The following WAPL variants were observed in gnomAD, a reference collection of about 807,000 sequenced individuals.
The protein encoded by WAPL is WAPL cohesin release factor, also known as wings apart-like protein homolog.
Under a neutral mutation model 121.0 loss-of-function variants are expected in WAPL, and 5 were observed. That is an observed-to-expected ratio of 0.04 (90% CI 0.02 to 0.09). The LOEUF (loss-of-function observed/expected upper bound fraction) is 0.09. Among genes scored for constraint, WAPL ranks in the 10% least tolerant of loss-of-function variants. The pLI, the probability that WAPL is intolerant of heterozygous loss-of-function variation, is 1.00. For missense variants in WAPL, 999 were observed against 1,410.8 expected (o/e 0.71, Z 4.68); for synonymous variants, 480 against 481.5 (o/e 1.00, Z 0.04).
At position 86,467,285 on chromosome 10, in the gene WAPL, A is replaced by G; in HGVS notation, c.2364T>C (p.Asn788=). 1 of 1,613,232 alleles carries G rather than the reference A, an allele frequency of 6.2e-7. No individual in the cohort carries two copies. Among genetic ancestry groups the G allele is most frequent in the East Asian group, 2.2e-5 (1 of 44,848 alleles). ...TVHNKHLDLE[N]ITTGHLAMET... is the part of the protein sequence containing the mutation. Reference sequence around the variant, plus strand: ...GAAGGAAGAAGGAACCCACCGTTATATTTTCTAGATCAAGATGCTTGTTGT... The same window carrying G: ...GAAGGAAGAAGGAACCCACCGTTATGTTTTCTAGATCAAGATGCTTGTTGT... The change falls in exon 9 of 19, where the codon AAT becomes AAC. Residue 788 remains asparagine, a synonymous_variant. Transcript: ENST00000298767.
intron 9 of WAPL, among the ~76,000 whole-genome samples, chr10:86,461,877 C>A (rs1841284229): frequency 6.7e-6 from 1 of 149,488 alleles, no homozygotes; most frequent in Admixed American, 6.7e-5. Flanking sequence ...ATTGTCTTTT[C>A]TTATTATTTG....
At chr10:86,459,488 G>A (rs1841221935) in intron 11 of WAPL, among the ~76,000 whole-genome samples, 1 of 152,168 alleles carries the variant, frequency 6.6e-6, no homozygotes, top group South Asian at 2.1e-4. Context: ...TCTATGCCAG[G>A]AGCTTTTAAT....
At chr10:86,445,787 G>A (rs770256627) in intron 16 of WAPL, among the ~76,000 whole-genome samples, 2 of 151,966 alleles carry the variant, frequency 1.3e-5, no homozygotes, top group Non-Finnish European at 2.9e-5. Flanking sequence ...CCAAAGTGCT[G>A]GGCTCACAGG....
chr10:86,517,935 C>A lies in WAPL; in HGVS notation c.135G>T (p.Gly45=). 6.2e-7 allele frequency: 1 copy of A among 1,614,132 alleles called. No homozygotes were observed. The highest frequency in any genetic ancestry group is 2.2e-5 in the East Asian group (1 of 44,870). Reference sequence around the variant, plus strand: ...CTGGTTTGAAATTGGGCCTCTTCTGCCCTAATTTAGCCATAAATGTGGTCT... The same window carrying A: ...CTGGTTTGAAATTGGGCCTCTTCTGACCTAATTTAGCCATAAATGTGGTCT... ...WGETTFMAKL[G]QKRPNFKPDI... The change falls in exon 2 of 19, where the codon GGG becomes GGT. Residue 45 remains glycine (G), a synonymous_variant. Transcript: ENST00000298767.
At chr10:86,501,720 C>T (rs1842250597) in intron 2 of WAPL, among the ~76,000 whole-genome samples, 1 of 152,192 alleles carries the variant, frequency 6.6e-6, no homozygotes, top group Non-Finnish European at 1.5e-5. Context: ...CTGTCACCCA[C>T]ACTGGAATAC....
rs1849320751 is a variant in WAPL, at chr10:86,436,350, C to G, written c.*1193G>C. On this transcript the variant is annotated 3_prime_UTR_variant, in exon 19 of 19. Coordinates refer to ENST00000298767, the MANE Select transcript of WAPL (RefSeq NM_015045.5). ...ATTTAAAAGTATTAATGAAAAAGAT[C>G]TCTAGAAAGCCTGTATTCAGGCCCA... is the stretch of plus-strand genomic sequence containing the variant. 6.6e-6 allele frequency: 1 copy of G among 152,080 alleles called. No homozygotes were observed. The highest frequency in any genetic ancestry group is 6.6e-5 in the Admixed American group (1 of 15,216). 9.4% of individuals were successfully genotyped at this position (152,080 alleles called of 1,614,324 possible).
intron 4 of WAPL, among the ~76,000 whole-genome samples, chr10:86,481,575 G>A (rs1460696927): frequency 1.3e-5 from 2 of 152,044 alleles, no homozygotes; most frequent in African/African-American, 4.8e-5. Context: ...GTTTATCCAT[G>A]TTGGTCAGGC....
At chr10:86,480,617 C>T (rs973049547) in intron 4 of WAPL, among the ~76,000 whole-genome samples, 4 of 127,904 alleles carry the variant, frequency 3.1e-5, no homozygotes, top group Non-Finnish European at 6.6e-5. Flanking sequence ...ATAAAAAAAC[C>T]GGAAGCTATA....
chr10:86,447,245 G>C (rs1269636241), intron 15 of WAPL, among the ~76,000 whole-genome samples: 2 of 152,152 alleles, frequency 1.3e-5, no homozygotes, highest in African/African-American at 4.8e-5. Flanking sequence ...AATATAGACA[G>C]ATAAAGCACA....
intron 15 of WAPL, 91 bp from the exon 16 acceptor site, chr10:86,446,540 T>A: frequency 7.7e-7 from 1 of 1,291,734 alleles, no homozygotes; most frequent in Non-Finnish European, 1.1e-6. Flanking sequence ...CTTTTAAATC[T>A]ATCACTAACT....
At chr10:86,519,353 C>T (rs1260228589) in intron 1 of WAPL, among the ~76,000 whole-genome samples, 2 of 152,164 alleles carry the variant, frequency 1.3e-5, no homozygotes, top group East Asian at 3.8e-4. Context: ...AAAATCATTA[C>T]TTTGAAAGCT....
chr10:86,464,680 A>G (rs1454429134), intron 9 of WAPL, among the ~76,000 whole-genome samples: 1 of 152,152 alleles, frequency 6.6e-6, no homozygotes, highest in African/African-American at 2.4e-5. Flanking sequence ...CTAAAAATAC[A>G]AGAAAATTAG....
At chr10:86,450,401 A>G (rs573427279) in intron 15 of WAPL, among the ~76,000 whole-genome samples, 1 of 152,108 alleles carries the variant, frequency 6.6e-6, no homozygotes, top group African/African-American at 2.4e-5. Context: ...ACACTCAACC[A>G]ACTGTTTTAT....
intron 3 of WAPL, among the ~76,000 whole-genome samples, chr10:86,499,155 A>C (rs2132220088): frequency 6.6e-6 from 1 of 152,320 alleles, no homozygotes; most frequent in South Asian, 2.1e-4. Context: ...TCAAGTGCTA[A>C]AGGTTAAATT....
chr10:86,446,245 T>G lies in WAPL; in HGVS notation c.3319A>C (p.Lys1107Gln), dbSNP rs1849614719. Residue 1107 changes from lysine (K) to glutamine (Q), a missense_variant, in exon 16 of 19, where the codon AAA (lysine) becomes CAA (glutamine). By Grantham distance (53) the Lys-to-Gln change is moderately conservative. Coordinates refer to ENST00000298767, the MANE Select transcript of WAPL (RefSeq NM_015045.5). Reference protein sequence around the residue: ...EEEDEELDLNKALQHAGKHME... With the variant: ...EEEDEELDLNQALQHAGKHME... Reference sequence around the variant, plus strand: ...ACACCATTCAAAGTAAATATACCTTTATTGAGGTCAAGTTCTTCATCCTCC... The same window carrying G: ...ACACCATTCAAAGTAAATATACCTTGATTGAGGTCAAGTTCTTCATCCTCC... 1.2e-6 allele frequency: 2 copies of G among 1,614,020 alleles called. No individual in the cohort carries two copies. The highest frequency in any genetic ancestry group is 2.7e-5 in the African/African-American group (2 of 74,938).
intron 4 of WAPL, among the ~76,000 whole-genome samples, chr10:86,491,053 ACT>A (rs1306857094): frequency 6.6e-6 from 1 of 151,008 alleles, no homozygotes; most frequent in Non-Finnish European, 1.5e-5. Context: ...ACAGAGCAAG[ACT>A]CTGTCTTAAA....
intron 8 of WAPL, among the ~76,000 whole-genome samples, chr10:86,470,433 C>T (rs1361796680): frequency 6.6e-6 from 1 of 152,148 alleles, no homozygotes; most frequent in Non-Finnish European, 1.5e-5. Flanking sequence ...ACTACTAATG[C>T]TAATAATTAG....
intron 4 of WAPL, among the ~76,000 whole-genome samples, chr10:86,476,330 A>G (rs1841653518): frequency 6.6e-6 from 1 of 152,140 alleles, no homozygotes; most frequent in South Asian, 2.1e-4. Flanking sequence ...GTGCCATTGC[A>G]CTTCAGCCTG....
chr10:86,446,351 C>T lies in WAPL; in HGVS notation c.3213G>A (p.Glu1071=). 2 of 1,614,182 alleles carry T rather than the reference C, an allele frequency of 1.2e-6. No homozygotes were observed. The highest frequency in any genetic ancestry group is 1.7e-6 in the Non-Finnish European group (2 of 1,180,040). ...GTATTTCTCCACTTGTTTCTTGCCA[C>T]TCTCCACTCTTATCATGCTGAGTGG... ...APTTQHDKSG[E]WQETSGEIQW... Residue 1071 remains glutamate (E), a synonymous_variant, in exon 16 of 19, where the codon GAG becomes GAA. Coordinates refer to ENST00000298767, the MANE Select transcript of WAPL (RefSeq NM_015045.5).
Sources: allele counts gnomAD v4.1 joint callset (sites outside exome capture counted in the v4.1 genomes callset), GRCh38; gene constraint gnomAD v4.1.1; transcripts MANE v1.5; gene names NCBI Gene and HGNC (gene_info 2026-07-23, HGNC 2026-07-21).